ELP2: variants seen among roughly 807,000 people sequenced by gnomAD.
The protein encoded by ELP2 is elongator acetyltransferase complex subunit 2.
A neutral mutation model predicts 119.2 loss-of-function variants in ELP2; 90 were observed. That is an observed-to-expected ratio of 0.75 (90% CI 0.64 to 0.90). The LOEUF is 0.90. Among genes scored for constraint, ELP2 ranks in the 40% least tolerant of loss-of-function variants. ELP2 has a pLI of 0.00. For synonymous variants in ELP2, 339 were observed against 331.0 expected (o/e 1.02, Z -0.26); for missense variants, 921 against 967.8 (o/e 0.95, Z 0.64).
At chr18:36,163,795 TG>T (rs1210634648) in intron 17 of ELP2, among the ~76,000 whole-genome samples, 2 of 152,204 alleles carry the variant, frequency 1.3e-5, no homozygotes, top group African/African-American at 2.4e-5. Flanking sequence ...TCAGTTCTAT[TG>T]ATCTTTTTTG....
rs2090932656 is a variant in ELP2 at position 36,167,146 on chromosome 18, T to C, written c.2000T>C (p.Val667Ala). The C allele has an allele frequency of 2.5e-6, 4 of 1,603,282 alleles. No individual in the cohort carries two copies. Among genetic ancestry groups the C allele is most frequent in the Non-Finnish European group, 3.4e-6 (4 of 1,174,212 alleles). The change falls in exon 19 of 22, where the codon GTG becomes GCG. Residue 667 changes from valine to alanine, a missense_variant. Coordinates refer to ENST00000358232, the MANE Select transcript of ELP2 (RefSeq NM_018255.4). ...GCCTTCACCAACAAAATTACTTCTG[T>C]GCACAGTAGAATTATTTGGTCTTGT... ...LFAFTNKITS[V>A]HSRIIWSCDW...
intron 12 of ELP2, among the ~76,000 whole-genome samples, chr18:36,155,702 C>A (rs1393004599): frequency 6.6e-6 from 1 of 152,114 alleles, no homozygotes; most frequent in East Asian, 1.9e-4. Context: ...CCATGCCCAG[C>A]TAATTTTTAG....
chr18:36,164,464 C>T lies in ELP2; in HGVS notation c.1762-11C>T. ...ACTTACTAGCTTCATTGTTTCATCT[C>T]TGTCCTATAGGCAGCTAAGAAAGAG... On this transcript the variant is annotated splice_polypyrimidine_tract_variant and intron_variant, in intron 17 of 21. Coordinates refer to ENST00000358232, the MANE Select transcript of ELP2 (RefSeq NM_018255.4). 6.2e-7 allele frequency: 1 copy of T among 1,612,566 alleles called. No individual in the cohort carries two copies. The highest frequency in any genetic ancestry group is 8.5e-7 in the Non-Finnish European group (1 of 1,178,610).
In ELP2 at chr18:36,142,915, G is replaced by T; in HGVS notation, c.745G>T (p.Asp249Tyr). ...YIKSTSLETQDDDNIRLKENT... is the reference protein window; with the variant it reads ...YIKSTSLETQYDDNIRLKENT... Reference sequence around the variant, plus strand: ...AAAGTCAACATCTTTAGAAACTCAGGATGACGATAACATAAGACTGAAAGA... The same window carrying T: ...AAAGTCAACATCTTTAGAAACTCAGTATGACGATAACATAAGACTGAAAGA... Residue 249 changes from aspartate (D) to tyrosine (Y), a missense_variant, in exon 8 of 22, where the codon GAT (aspartate) becomes TAT (tyrosine). Coordinates refer to ENST00000358232, the MANE Select transcript of ELP2 (RefSeq NM_018255.4). The T allele has an allele frequency of 6.3e-7, 1 of 1,599,226 alleles. No individual in the cohort carries two copies.
chr18:36,142,251 C>T (rs371603610), intron 6 of ELP2, 30 bp from the exon 7 acceptor site: 14 of 1,588,402 alleles, frequency 8.8e-6, no homozygotes, highest in African/African-American at 1.3e-5. Context: ...TAAATTCTTA[C>T]ATCAAGCCCA....
chr18:36,143,821 TTAAAG>T (rs1476307190), intron 8 of ELP2, among the ~76,000 whole-genome samples: 11 of 152,350 alleles, frequency 7.2e-5, no homozygotes, highest in African/African-American at 2.4e-4. Context: ...GTGCTTCTCA[TTAAAG>T]TAATTTGTAA....
intron 11 of ELP2, among the ~76,000 whole-genome samples, chr18:36,154,001 T>A (rs1010995491): frequency 3.3e-5 from 5 of 151,000 alleles, no homozygotes; most frequent in African/African-American, 7.3e-5. Flanking sequence ...TTTTGTAAAC[T>A]CCCATTAGTG....
intron 3 of ELP2, 153 bp downstream of exon 3, chr18:36,136,530 A>G: frequency 1.5e-6 from 1 of 689,434 alleles, no homozygotes; most frequent in South Asian, 1.6e-5. Context: ...GGTGCCTGAC[A>G]CCATGCCTGG....
chr18:36,162,176 A>T (rs968438340), intron 17 of ELP2, among the ~76,000 whole-genome samples: 14 of 151,952 alleles, frequency 9.2e-5, no homozygotes, highest in African/African-American at 2.7e-4. Flanking sequence ...AACCCCCAAC[A>T]TTGTCTGTGC....
chr18:36,155,271 C>G (rs887667010), intron 12 of ELP2, among the ~76,000 whole-genome samples: 9 of 145,214 alleles, frequency 6.2e-5, no homozygotes, highest in Admixed American at 3.4e-4. Flanking sequence ...CCCTCCCCCC[C>G]CCCCGCCTCC....
In ELP2 at chr18:36,177,397, C is replaced by G. The variant is rs72888759; in HGVS notation, c.*2756C>G. Reference sequence around the variant, plus strand: ...AGGACATGATGCTAAGTGAAGTAAGCCAGTCACTGGAAGACAAATACTCTA... The same window carrying G: ...AGGACATGATGCTAAGTGAAGTAAGGCAGTCACTGGAAGACAAATACTCTA... On this transcript the variant is annotated 3_prime_UTR_variant, in exon 22 of 22. Transcript: ENST00000358232. 0.055 allele frequency: 8,366 copies of G among 152,184 alleles called. 339 individuals are homozygous for G. Among genetic ancestry groups the G allele is most frequent in the East Asian group, 0.16 (849 of 5,162 alleles). The allele number at this position is 152,184 out of a possible 1,614,324, so 9.4% of individuals were successfully genotyped here. A position where few individuals can be genotyped will look rare whatever the true frequency, so the allele number is the denominator to read the frequency against.
At position 36,176,706 on chromosome 18, in the gene ELP2, A is replaced by C. The variant is rs2091229416; in HGVS notation, c.*2065A>C. 1 of 152,202 alleles carries C rather than the reference A, an allele frequency of 6.6e-6. No individual in the cohort carries two copies. Among genetic ancestry groups the C allele is most frequent in the African/African-American group, 2.4e-5 (1 of 41,438 alleles). The allele number at this position is 152,202 out of a possible 1,614,324, so 9.4% of individuals were successfully genotyped here. A position where few individuals can be genotyped will look rare whatever the true frequency, so the allele number is the denominator to read the frequency against. On this transcript the variant is annotated 3_prime_UTR_variant, in exon 22 of 22. Coordinates refer to ENST00000358232, the MANE Select transcript of ELP2 (RefSeq NM_018255.4). The stretch of plus-strand genomic sequence containing the variant: ...ATCTGCTAAAGCACCTTTGAACCAT[A>C]TTGTAATTCATAATATCTGAAGCAA...
intron 17 of ELP2, among the ~76,000 whole-genome samples, chr18:36,162,875 A>G (rs879800525): frequency 6.6e-6 from 1 of 152,160 alleles, no homozygotes; most frequent in Non-Finnish European, 1.5e-5. Flanking sequence ...TCTTTTGCCC[A>G]TTTATTTATT....
intron 3 of ELP2, 25 bp downstream of exon 3, chr18:36,136,402 G>T (rs2089826475): frequency 6.4e-7 from 1 of 1,560,450 alleles, no homozygotes; most frequent in Non-Finnish European, 8.8e-7. Context: ...TTATAATCAA[G>T]AAATGACTTT....
chr18:36,163,698 T>A (rs907857190), intron 17 of ELP2, among the ~76,000 whole-genome samples: 2 of 152,162 alleles, frequency 1.3e-5, no homozygotes, highest in Non-Finnish European at 2.9e-5. Flanking sequence ...ATCATTTTTT[T>A]AAAAGACTAT....
rs1030104844 is a variant in ELP2, at chr18:36,176,292, T to C, written c.*1651T>C. ...TTGTGCCGTCAGCTGGGGGGTGGGGTGTGTGTGCGTGTATACCAAGGCAGT... is the reference window on the plus strand; with the variant it reads ...TTGTGCCGTCAGCTGGGGGGTGGGGCGTGTGTGCGTGTATACCAAGGCAGT... On this transcript the variant is annotated 3_prime_UTR_variant, in exon 22 of 22. Transcript: ENST00000358232. The C allele has an allele frequency of 1.3e-5, 2 of 152,104 alleles. No individual in the cohort carries two copies. Among genetic ancestry groups the C allele is most frequent in the African/African-American group, 4.8e-5 (2 of 41,374 alleles). The allele number at this position is 152,104 out of a possible 1,614,324, so 9.4% of individuals were successfully genotyped here.
At chr18:36,172,421 G>A (rs74702892) in intron 21 of ELP2, among the ~76,000 whole-genome samples, 1 of 152,104 alleles carries the variant, frequency 6.6e-6, no homozygotes, top group Non-Finnish European at 1.5e-5. Flanking sequence ...AATGGAGAGA[G>A]ATTTGTGAGC....
intron 20 of ELP2, among the ~76,000 whole-genome samples, 154 bp downstream of exon 20, chr18:36,170,350 C>T (rs543309193): frequency 5.8e-4 from 86 of 148,920 alleles, no homozygotes; most frequent in African/African-American, 2.0e-3. Context: ...CTCACTCTGT[C>T]GCCCAGGCTG....
At chr18:36,161,301 G>A (rs935358099) in intron 17 of ELP2, among the ~76,000 whole-genome samples, 11 of 152,312 alleles carry the variant, frequency 7.2e-5, no homozygotes, top group South Asian at 2.1e-4. Context: ...GCTGAGACAT[G>A]AGAATCACTT....
Sources: allele counts gnomAD v4.1 joint callset (sites outside exome capture counted in the v4.1 genomes callset), GRCh38; gene constraint gnomAD v4.1.1; transcripts MANE v1.5; gene names NCBI Gene and HGNC (gene_info 2026-07-23, HGNC 2026-07-21).